MTRF1: variants seen among roughly 807,000 people sequenced by gnomAD.
MTRF1 encodes the protein mitochondrial translation release factor 1, also known as peptide chain release factor 1, mitochondrial.
Under a neutral mutation model 62.9 loss-of-function variants are expected in MTRF1, and 51 were observed. The ratio of observed to expected loss-of-function variants is 0.81; its 90% CI spans 0.65 to 1.02. MTRF1 has a LOEUF of 1.02. Among genes scored for constraint, MTRF1 ranks in the 50% least tolerant of loss-of-function variants. MTRF1 has a pLI of 0.00. For synonymous variants in MTRF1, 158 were observed against 181.9 expected (o/e 0.87, Z 1.06); for missense variants, 446 against 530.0 (o/e 0.84, Z 1.56).
chr13:41,231,366 A>G (rs953879627), intron 7 of MTRF1, among the ~76,000 whole-genome samples: 1 of 152,238 alleles, frequency 6.6e-6, no homozygotes, highest in African/African-American at 2.4e-5. Context: ...TCCTTCCTCA[A>G]TCTGCAGAAG....
At chr13:41,253,120 A>G (rs970359573) in intron 3 of MTRF1, 90 bp from the exon 4 acceptor site, 16 of 964,480 alleles carry the variant, frequency 1.7e-5, no homozygotes, top group Middle Eastern at 4.5e-4. Context: ...GAAAAAAATC[A>G]ATAATTGGCA....
At chr13:41,309,949 T>C in the MTRF1 span, among the ~76,000 whole-genome samples, 5 of 152,150 alleles carry the variant, frequency 3.3e-5, no homozygotes, top group African/African-American at 7.2e-5. Context: ...GGAGCTGAGA[T>C]AGCGCCATTG....
the MTRF1 span, among the ~76,000 whole-genome samples, chr13:41,298,697 A>C: frequency 6.6e-6 from 1 of 152,250 alleles, no homozygotes; most frequent in Non-Finnish European, 1.5e-5. Flanking sequence ...AGCAAATTCA[A>C]TGGGGTCCTG....
chr13:41,304,085 G>A, the MTRF1 span, among the ~76,000 whole-genome samples: 1 of 152,244 alleles, frequency 6.6e-6, no homozygotes, highest in South Asian at 2.1e-4. Context: ...TCTTCGGTGA[G>A]ATCCAAGAAC....
At chr13:41,257,799 T>C in intron 2 of MTRF1, 1 of 449,346 alleles carries the variant, frequency 2.2e-6, no homozygotes, top group South Asian at 1.6e-5. Flanking sequence ...CTCTGTCTCT[T>C]AAAAGAAACA....
the MTRF1 span, chr13:41,311,620 C>G: frequency 6.3e-7 from 1 of 1,584,482 alleles, no homozygotes; most frequent in African/African-American, 1.4e-5. Context: ...CCCCCGGTCC[C>G]CGGGTCCTCG....
At chr13:41,304,611 C>A in the MTRF1 span, among the ~76,000 whole-genome samples, 1 of 152,164 alleles carries the variant, frequency 6.6e-6, no homozygotes, top group Non-Finnish European at 1.5e-5. Flanking sequence ...AGGTACATGC[C>A]AGAGAACAAA....
chr13:41,268,607 A>T, the MTRF1 span, among the ~76,000 whole-genome samples: 7 of 152,314 alleles, frequency 4.6e-5, no homozygotes, highest in South Asian at 4.1e-4. Flanking sequence ...AAAACATTTT[A>T]GCATCAGGCT....
rs779071664 is a variant in MTRF1 at position 41,223,354 on chromosome 13, C to A, written c.1126G>T (p.Val376Leu). Residue 376 changes from valine to leucine, a missense_variant and splice_region_variant, in exon 9 of 10, where the codon GTG becomes TTG. Val to Leu is a conservative substitution (Grantham distance 32). Coordinates refer to ENST00000379480, the MANE Select transcript of MTRF1 (RefSeq NM_004294.4). ...RQQQSARKLQVGTRAQSERIR... is the reference protein window; with the variant it reads ...RQQQSARKLQLGTRAQSERIR... ...CGCTCTGACTGGGCTCTTGTTCCCA[C>A]CTGTGCCATAACAAAAAGCAATTTA... 1 of 1,612,958 alleles carries A rather than the reference C, an allele frequency of 6.2e-7. No homozygotes were observed. The highest frequency in any genetic ancestry group is 1.1e-5 in the South Asian group (1 of 90,818).
intron 7 of MTRF1, among the ~76,000 whole-genome samples, chr13:41,231,663 A>G (rs1399383691): frequency 1.3e-5 from 2 of 152,218 alleles, no homozygotes; most frequent in Non-Finnish European, 2.9e-5. Flanking sequence ...ACTAATGGGT[A>G]TGTGGATAAG....
chr13:41,241,308 TGC>T (rs2037463883), intron 5 of MTRF1, among the ~76,000 whole-genome samples: 1 of 152,170 alleles, frequency 6.6e-6, no homozygotes, highest in Admixed American at 6.5e-5. Context: ...GGTCCCAAAG[TGC>T]TGGGATTACA....
the MTRF1 span, among the ~76,000 whole-genome samples, chr13:41,268,867 A>G: frequency 6.6e-6 from 1 of 152,066 alleles, no homozygotes; most frequent in Non-Finnish European, 1.5e-5. Context: ...ATCAAGCCCA[A>G]TCCCTGGAGA....
upstream of MTRF1, among the ~76,000 whole-genome samples, chr13:41,266,592 G>A (rs186194326): frequency 6.6e-6 from 1 of 152,188 alleles, no homozygotes; most frequent in Non-Finnish European, 1.5e-5. Flanking sequence ...CTGGGTGACA[G>A]AGCAACATGC....
At chr13:41,258,970 A>T (rs887953676) in intron 2 of MTRF1, among the ~76,000 whole-genome samples, 3 of 152,226 alleles carry the variant, frequency 2.0e-5, no homozygotes, top group Admixed American at 6.5e-5. Context: ...CTGAACAGTG[A>T]TTTCTCCCAA....
chr13:41,311,751 CG>C, the MTRF1 span, among the ~76,000 whole-genome samples: 1 of 152,194 alleles, frequency 6.6e-6, no homozygotes, highest in Non-Finnish European at 1.5e-5. Context: ...GGCCGGCCCA[CG>C]GGGGCTGCCG....
At chr13:41,260,000 GCTT>G (rs1396629307) in intron 2 of MTRF1, among the ~76,000 whole-genome samples, 1 of 152,166 alleles carries the variant, frequency 6.6e-6, no homozygotes, top group Non-Finnish European at 1.5e-5. Context: ...ATAAAATAAA[GCTT>G]CTGAAAAGAC....
the MTRF1 span, among the ~76,000 whole-genome samples, chr13:41,274,604 G>T: frequency 2.0e-5 from 3 of 151,818 alleles, no homozygotes; most frequent in Non-Finnish European, 4.4e-5. Flanking sequence ...GGCAGTGCTT[G>T]CGGCTGGAAT....
chr13:41,257,832 A>G, intron 2 of MTRF1: 1 of 437,952 alleles, frequency 2.3e-6, no homozygotes, highest in Non-Finnish European at 4.6e-6. Context: ...GGGAATAATC[A>G]TATATCCTAC....
intron 4 of MTRF1, 35 bp downstream of exon 4, chr13:41,252,914 T>C: frequency 6.6e-7 from 1 of 1,503,774 alleles, no homozygotes. Flanking sequence ...CAAGGACTTT[T>C]TAGATCATTT....
Sources: allele counts gnomAD v4.1 joint callset (sites outside exome capture counted in the v4.1 genomes callset), GRCh38; gene constraint gnomAD v4.1.1; transcripts MANE v1.5; gene names NCBI Gene and HGNC (gene_info 2026-07-23, HGNC 2026-07-21).